Variants in USH2A observed in about 807,000 individuals in gnomAD.
USH2A encodes the protein Usher syndrome 2A (autosomal recessive, mild).
In USH2A, 443 loss-of-function variants were observed where a neutral mutation model predicts 538.9. The ratio of observed to expected loss-of-function variants is 0.82; its 90% CI spans 0.76 to 0.89. USH2A has a LOEUF of 0.89. USH2A is among the 40% of genes least tolerant of loss of function. The pLI, the probability that USH2A is intolerant of heterozygous loss-of-function variation, is 0.00. For synonymous variants in USH2A, 2,413 were observed against 2,273.5 expected, an observed-to-expected ratio of 1.06 and a Z score of -1.75; for missense variants, 6,633 against 6,324.8, an observed-to-expected ratio of 1.05 and a Z score of -1.65.
At chr1:216,383,523 G>A (rs1178297813) in intron 3 of USH2A, among the ~76,000 whole-genome samples, 1 of 152,200 alleles carries the variant, frequency 6.6e-6, no homozygotes, top group Admixed American at 6.5e-5. Flanking sequence ...GCTGGGATAA[G>A]AAGCTCTGCT....
At chr1:216,120,782 T>C (rs1383740204) in intron 21 of USH2A, among the ~76,000 whole-genome samples, 5 of 151,124 alleles carry the variant, frequency 3.3e-5, no homozygotes, top group African/African-American at 9.7e-5. Flanking sequence ...ACCCGGGAGG[T>C]GGAGATTGCA....
At chr1:216,033,010 A>G (rs941053254) in intron 32 of USH2A, among the ~76,000 whole-genome samples, 3 of 152,132 alleles carry the variant, frequency 2.0e-5, no homozygotes, top group African/African-American at 4.8e-5. Flanking sequence ...AGTACAAGGT[A>G]TTGCTTTAAT....
At chr1:215,710,089 A>G (rs1659296238) in intron 61 of USH2A, among the ~76,000 whole-genome samples, 1 of 152,204 alleles carries the variant, frequency 6.6e-6, no homozygotes, top group Admixed American at 6.5e-5. Context: ...AGCTATGGGT[A>G]CATAGGGAAC....
chr1:216,325,912 G>A (rs2037724200), intron 5 of USH2A, among the ~76,000 whole-genome samples: 2 of 152,100 alleles, frequency 1.3e-5, no homozygotes, highest in Non-Finnish European at 2.9e-5. Flanking sequence ...GTCTATTTGT[G>A]ATAATATAGA....
chr1:215,876,757 A>G (rs1485198943), intron 43 of USH2A, among the ~76,000 whole-genome samples: 1 of 152,156 alleles, frequency 6.6e-6, no homozygotes, highest in Non-Finnish European at 1.5e-5. Flanking sequence ...CCAGGCTAAG[A>G]CGTGGCAGAT....
At chr1:215,678,186 CAG>C (rs1658095230) in intron 62 of USH2A, among the ~76,000 whole-genome samples, 1 of 152,220 alleles carries the variant, frequency 6.6e-6, no homozygotes, top group South Asian at 2.1e-4. Flanking sequence ...CCATTTTCCA[CAG>C]GGTAGCCAGA....
intron 11 of USH2A, among the ~76,000 whole-genome samples, chr1:216,272,486 T>C (rs974173186): frequency 6.6e-6 from 1 of 152,130 alleles, no homozygotes; most frequent in Non-Finnish European, 1.5e-5. Context: ...TCCACTCATG[T>C]TTTATTAATT....
intron 14 of USH2A, among the ~76,000 whole-genome samples, chr1:216,223,639 G>A (rs923261083): frequency 2.0e-5 from 3 of 152,138 alleles, no homozygotes; most frequent in Admixed American, 6.5e-5. Context: ...CCCTGCCTTG[G>A]CTGCCAGATG....
intron 3 of USH2A, among the ~76,000 whole-genome samples, chr1:216,388,851 C>A (rs1424708291): frequency 6.6e-6 from 1 of 152,234 alleles, no homozygotes; most frequent in Non-Finnish European, 1.5e-5. Context: ...CCTTTTGTAA[C>A]TTATCCCGCA....
rs374202424 is a variant in USH2A at position 216,238,748 on chromosome 1, A to G, written c.2810-6612T>C. 4.3e-4 allele frequency among the ~76,000 whole-genome samples: 65 copies of G among 152,322 alleles called. 1 individual carries two copies. In the South Asian group the frequency reaches 0.013, roughly 30 times the overall value. ...TGCACCTTCCTTAATAATGTTTTTT[A>G]GGAAAGTGGGACAAGAATCTATGTG... On this transcript the variant is annotated intron_variant, in intron 13 of 71. Coordinates refer to ENST00000307340, the MANE Select transcript of USH2A (RefSeq NM_206933.4).
In USH2A at chr1:215,691,174, G is replaced by A. The variant is rs552240412; in HGVS notation, c.12067-10798C>T. ...TGGGATTACAGGTGTGAGCCACCGT[G>A]CCCAGCCAGTTAGCCTATTTTTAAC... is the stretch of plus-strand genomic sequence containing the variant. On this transcript the variant is annotated intron_variant, in intron 61 of 71. Coordinates refer to ENST00000307340, the MANE Select transcript of USH2A (RefSeq NM_206933.4). 2.0e-5 allele frequency among the ~76,000 whole-genome samples: 3 copies of A among 151,912 alleles called. No homozygotes were observed. The East Asian group carries it at 5.8e-4, about 30-fold the overall frequency.
At position 216,369,698 on chromosome 1, in the gene USH2A, G is replaced by A. The variant is rs548064258; in HGVS notation, c.652-4613C>T. Among the ~76,000 whole-genome samples, 5 of 151,772 alleles carry A rather than the reference G, an allele frequency of 3.3e-5. No homozygotes were observed. In the East Asian group the frequency reaches 9.8e-4, roughly 30 times the overall value. ...GAGGCTGAGGCAGGCAGATCATGAG[G>A]TCAGGAGTTTGAGACCAGCCTGGCC... On this transcript the variant is annotated intron_variant, in intron 3 of 71. Coordinates refer to ENST00000307340, the MANE Select transcript of USH2A (RefSeq NM_206933.4).
At chr1:216,346,327 T>C (rs1443125947) in intron 4 of USH2A, among the ~76,000 whole-genome samples, 1 of 152,090 alleles carries the variant, frequency 6.6e-6, no homozygotes, top group Non-Finnish European at 1.5e-5. Flanking sequence ...AGACCCCATT[T>C]TGAGAAAAAA....
chr1:216,283,228 A>G (rs971260817), intron 11 of USH2A, among the ~76,000 whole-genome samples: 5 of 152,014 alleles, frequency 3.3e-5, no homozygotes, highest in Non-Finnish European at 1.5e-5. Context: ...CTGGGACTAC[A>G]GGCACCCACC....
chr1:216,285,123 G>A (rs755661659), intron 11 of USH2A, among the ~76,000 whole-genome samples: 1 of 152,184 alleles, frequency 6.6e-6, no homozygotes, highest in Non-Finnish European at 1.5e-5. Context: ...CTAACAAGAA[G>A]CCAAATGTTA....
chr1:216,326,353 G>C (rs1002064429), intron 5 of USH2A, among the ~76,000 whole-genome samples: 16 of 152,180 alleles, frequency 1.1e-4, no homozygotes, highest in Admixed American at 2.0e-4. Context: ...AGAGAAACCA[G>C]GCTTTTCCTC....
intron 55 of USH2A, among the ~76,000 whole-genome samples, chr1:215,775,736 A>G (rs1385532878): frequency 6.6e-6 from 1 of 152,220 alleles, no homozygotes; most frequent in Non-Finnish European, 1.5e-5. Flanking sequence ...GGTGAAGTGT[A>G]AGGTATCTGT....
rs761606053 is a variant in USH2A, at chr1:215,634,714, C to T, written c.15053-11G>A. ...TTGTTAGGACCAAGCCTGCAAAACC[C>T]AGAGAAAGAAAGGGGAAATGTTATT... On this transcript the variant is annotated splice_polypyrimidine_tract_variant and intron_variant, in intron 69 of 71. Transcript: ENST00000307340. 1 of 1,614,198 alleles carries T rather than the reference C, an allele frequency of 6.2e-7. No individual in the cohort carries two copies. Among genetic ancestry groups the T allele is most frequent in the Non-Finnish European group, 8.5e-7 (1 of 1,180,052 alleles).
intron 49 of USH2A, among the ~76,000 whole-genome samples, chr1:215,805,984 C>CA (rs57712355): frequency 0.29 from 26,844 of 93,270 alleles, 3,309 homozygotes; most frequent in African/African-American, 0.39. Flanking sequence ...AAGACACAAT[C>CA]AAAAAAAAAA....
Sources: allele counts gnomAD v4.1 joint callset (sites outside exome capture counted in the v4.1 genomes callset), GRCh38; gene constraint gnomAD v4.1.1; transcripts MANE v1.5; gene names NCBI Gene and HGNC (gene_info 2026-07-23, HGNC 2026-07-21).